ERGIC2: variants seen among roughly 807,000 people sequenced by gnomAD.
ERGIC2 encodes the protein ERGIC and golgi 2.
In ERGIC2, 31 loss-of-function variants were observed where a neutral mutation model predicts 52.5. The ratio of observed to expected loss-of-function variants is 0.59; its 90% CI spans 0.44 to 0.80. The LOEUF (loss-of-function observed/expected upper bound fraction) is 0.80, where lower values mean the gene tolerates loss of function less well. Among genes scored for constraint, ERGIC2 ranks in the 30% least tolerant of loss-of-function variants. The pLI is 0.00. For synonymous variants in ERGIC2, 129 were observed against 140.6 expected (o/e 0.92, Z 0.58); for missense variants, 395 against 455.2 (o/e 0.87, Z 1.20).
At chr12:29,360,004 C>A (rs1182893123) in intron 6 of ERGIC2, among the ~76,000 whole-genome samples, 2 of 152,068 alleles carry the variant, frequency 1.3e-5, no homozygotes, top group South Asian at 2.1e-4. Context: ...AAAAACCTCA[C>A]AACTGATTCA....
intron 6 of ERGIC2, among the ~76,000 whole-genome samples, chr12:29,358,076 G>C (rs1940233700): frequency 1.3e-5 from 2 of 152,166 alleles, no homozygotes; most frequent in Non-Finnish European, 2.9e-5. Context: ...GACACTGAAT[G>C]AAATATTGTA....
At chr12:29,345,381 A>T (rs984121508) in intron 11 of ERGIC2, 62 bp downstream of exon 11, 1 of 923,566 alleles carries the variant, frequency 1.1e-6, no homozygotes, top group Non-Finnish European at 1.7e-6. Context: ...TGTAGCCAGG[A>T]AACTTTAAAA....
At chr12:29,371,789 A>T in intron 1 of ERGIC2, 119 bp from the exon 2 acceptor site, 1 of 562,188 alleles carries the variant, frequency 1.8e-6, no homozygotes, top group Non-Finnish European at 3.1e-6. Flanking sequence ...TCCCCCCTTA[A>T]AAATAAAAAG....
At chr12:29,377,023 T>C (rs1940524118) in intron 1 of ERGIC2, among the ~76,000 whole-genome samples, 1 of 152,172 alleles carries the variant, frequency 6.6e-6, no homozygotes, top group African/African-American at 2.4e-5. Context: ...TTAAAAAATG[T>C]AATTCTAGGT....
chr12:29,346,625 A>C (rs1445551244), intron 10 of ERGIC2, among the ~76,000 whole-genome samples: 3 of 152,196 alleles, frequency 2.0e-5, no homozygotes, highest in Admixed American at 6.5e-5. Context: ...GCCTTTGAAT[A>C]AATACAAGGA....
chr12:29,344,629 C>T (rs1295336368), intron 11 of ERGIC2, among the ~76,000 whole-genome samples: 1 of 151,878 alleles, frequency 6.6e-6, no homozygotes, highest in Admixed American at 6.6e-5. Context: ...ACACATGACA[C>T]TTCACCCCTA....
chr12:29,339,005 G>A lies in ERGIC2; in HGVS notation c.*2151C>T, dbSNP rs1330261592. 1.3e-5 allele frequency: 2 copies of A among 152,098 alleles called. No individual in the cohort carries two copies. Among genetic ancestry groups the A allele is most frequent in the Non-Finnish European group, 2.9e-5 (2 of 68,020 alleles). The allele number at this position is 152,098 out of a possible 1,614,324, so 9.4% of individuals were successfully genotyped here. On this transcript the variant is annotated 3_prime_UTR_variant, in exon 14 of 14. Transcript: ENST00000360150. ...GCAATAGAAAAGAATCACTTGGTGA[G>A]GCCAAAAACTCCTAACAAATCCTAA... is the stretch of plus-strand genomic sequence containing the variant.
intron 9 of ERGIC2, 70 bp downstream of exon 9, chr12:29,349,943 A>G (rs759911340): frequency 1.9e-5 from 18 of 938,730 alleles, no homozygotes; most frequent in South Asian, 4.3e-5. Context: ...CAACTACACT[A>G]TATCTGCACT....
chr12:29,346,437 G>A (rs562335460), intron 10 of ERGIC2, among the ~76,000 whole-genome samples: 10 of 152,024 alleles, frequency 6.6e-5, no homozygotes, highest in African/African-American at 2.4e-4. Flanking sequence ...TGATCCTCCT[G>A]CCTCAGTCTC....
chr12:29,339,578 GTATGT>G lies in ERGIC2; in HGVS notation c.*1573_*1577del, dbSNP rs771389991. 1 of 152,108 alleles carries G rather than the reference GTATGT, an allele frequency of 6.6e-6. No homozygotes were observed. The highest frequency in any genetic ancestry group is 1.5e-5 in the Non-Finnish European group (1 of 68,000). 9.4% of individuals were successfully genotyped at this position (152,108 alleles called of 1,614,324 possible). On this transcript the variant is annotated 3_prime_UTR_variant, in exon 14 of 14. Transcript: ENST00000360150. The stretch of plus-strand genomic sequence containing the variant: ...ATTTTCTGTTTAAAAATCTTTCAAA[GTATGT>G]TATATCACTTATTTTCATCAGTTAA...
chr12:29,356,172 C>A (rs1940201823), intron 8 of ERGIC2, among the ~76,000 whole-genome samples: 1 of 152,062 alleles, frequency 6.6e-6, no homozygotes, highest in South Asian at 2.1e-4. Flanking sequence ...CAGGTGCCTG[C>A]CACCACATCC....
Position 29,340,526 on chromosome 12 carries a change from AAC to A in ERGIC2, c.*628_*629del, listed in dbSNP as rs1170129372. On this transcript the variant is annotated 3_prime_UTR_variant, in exon 14 of 14. Coordinates refer to ENST00000360150, the MANE Select transcript of ERGIC2 (RefSeq NM_016570.3). ...CTTAGTCTTCTAAGACTCTATCTTC[AAC>A]AGTTAGATAAGTCAATAACCAGAGT... The A allele has an allele frequency of 1.1e-5, 2 of 183,406 alleles. No individual in the cohort carries two copies. Among genetic ancestry groups the A allele is most frequent in the Non-Finnish European group, 2.3e-5 (2 of 88,514 alleles). The allele number at this position is 183,406 out of a possible 1,614,324, so 11.4% of individuals were successfully genotyped here.
At chr12:29,365,677 A>T in intron 5 of ERGIC2, among the ~76,000 whole-genome samples, 1 of 151,706 alleles carries the variant, frequency 6.6e-6, no homozygotes, top group African/African-American at 2.4e-5. Flanking sequence ...GAAAATTAAA[A>T]AAAAAAAAAC....
In ERGIC2 at chr12:29,360,454, T is replaced by C. The variant is rs1043328233; in HGVS notation, c.374+1191A>G. 2.7e-5 allele frequency among the ~76,000 whole-genome samples: 4 copies of C among 149,012 alleles called. No homozygotes were observed. In the East Asian group the frequency reaches 7.8e-4, roughly 29 times the overall value. On this transcript the variant is annotated intron_variant, in intron 6 of 13. Coordinates refer to ENST00000360150, the MANE Select transcript of ERGIC2 (RefSeq NM_016570.3). The stretch of plus-strand genomic sequence containing the variant: ...ACTTATTTCTGTATATATATTTCTG[T>C]ATAGAAATAATTATATGTTTTTAAA...
chr12:29,375,978 T>C (rs1940509581), intron 1 of ERGIC2, among the ~76,000 whole-genome samples: 2 of 152,226 alleles, frequency 1.3e-5, no homozygotes, highest in Non-Finnish European at 1.5e-5. Context: ...CTAAAAGAAA[T>C]TGCTGTCTGC....
chr12:29,352,736 G>A (rs968906598), intron 8 of ERGIC2, among the ~76,000 whole-genome samples: 4 of 152,070 alleles, frequency 2.6e-5, no homozygotes. Context: ...ACAAAAACAG[G>A]TAGTAGGCTG....
intron 5 of ERGIC2, among the ~76,000 whole-genome samples, chr12:29,364,789 C>T (rs1475234374): frequency 4.0e-5 from 6 of 151,522 alleles, no homozygotes; most frequent in South Asian, 2.1e-4. Context: ...ATTAAAAAGT[C>T]GGCAAAGGAC....
Position 29,345,488 on chromosome 12 carries a change from T to G in ERGIC2, c.780A>C (p.Thr260=). Residue 260 remains threonine (T), a synonymous_variant, in exon 11 of 14, where the codon ACA becomes ACC. Coordinates refer to ENST00000360150, the MANE Select transcript of ERGIC2 (RefSeq NM_016570.3). The part of the protein sequence containing the change: ...FITVVPTKLH[T]YKISADTHQF... ...GATGGGTGTCTGCTGATATTTTATA[T>G]GTATGTAGTTTTGTTGGCACAACTG... 1 of 1,605,338 alleles carries G rather than the reference T, an allele frequency of 6.2e-7. No homozygotes were observed. Among genetic ancestry groups the G allele is most frequent in the Middle Eastern group, 1.7e-4 (1 of 6,048 alleles).
chr12:29,346,891 A>T (rs1940060508), intron 10 of ERGIC2, among the ~76,000 whole-genome samples: 1 of 152,214 alleles, frequency 6.6e-6, no homozygotes, highest in South Asian at 2.1e-4. Flanking sequence ...CATAGATTCA[A>T]CTAGAGAAGC....
Sources: allele counts gnomAD v4.1 joint callset (sites outside exome capture counted in the v4.1 genomes callset), GRCh38; gene constraint gnomAD v4.1.1; transcripts MANE v1.5; gene names NCBI Gene and HGNC (gene_info 2026-07-23, HGNC 2026-07-21).